GPC5: variants seen among roughly 807,000 people sequenced by gnomAD.
GPC5 encodes glypican-5.
A neutral mutation model predicts 53.9 loss-of-function variants in GPC5; 47 were observed. The ratio of observed to expected loss-of-function variants is 0.87; its 90% confidence interval spans 0.69 to 1.11. The LOEUF (loss-of-function observed/expected upper bound fraction) is 1.11. Among genes scored for constraint, GPC5 ranks in the 50% most tolerant of loss-of-function variants. GPC5 has a pLI of 0.00. For missense variants in GPC5, 748 were observed against 713.1 expected (o/e 1.05, Z -0.56); for synonymous variants, 286 against 263.3 (o/e 1.09, Z -0.84).
At chr13:92,610,030 CAAAAA>C (rs56913637) in intron 7 of GPC5, among the ~76,000 whole-genome samples, 26 of 70,834 alleles carry the variant, frequency 3.7e-4, no homozygotes, top group Admixed American at 2.3e-3. Context: ...GACTCCATCT[CAAAAA>C]AAAAAAAAAA....
chr13:92,396,789 T>C (rs1875299781), intron 7 of GPC5, among the ~76,000 whole-genome samples: 1 of 152,212 alleles, frequency 6.6e-6, no homozygotes, highest in Non-Finnish European at 1.5e-5. Context: ...CGCTGTCTTG[T>C]AGAGGGCCTC....
intron 4 of GPC5, among the ~76,000 whole-genome samples, chr13:91,749,874 A>G (rs2037132703): frequency 1.3e-5 from 2 of 152,218 alleles, no homozygotes; most frequent in Non-Finnish European, 2.9e-5. Flanking sequence ...GCAGTGGCAC[A>G]GTCTCAGCTC....
chr13:92,031,732 CATATT>C (rs1357796364), intron 6 of GPC5, among the ~76,000 whole-genome samples: 5,245 of 30,424 alleles, frequency 0.17, 1,378 homozygotes, highest in Non-Finnish European at 0.24. Flanking sequence ...TAATATATTA[CATATT>C]ATATATAATA....
chr13:92,704,308 C>T (rs1230193716), intron 7 of GPC5, among the ~76,000 whole-genome samples: 1 of 152,020 alleles, frequency 6.6e-6, no homozygotes. Context: ...GCTGCTTAGA[C>T]CACTGTGAAT....
At chr13:92,489,005 A>G (rs1274664279) in intron 7 of GPC5, among the ~76,000 whole-genome samples, 1 of 152,226 alleles carries the variant, frequency 6.6e-6, no homozygotes, top group Admixed American at 6.5e-5. Flanking sequence ...CCAGATGTTC[A>G]TATAAATATT....
intron 5 of GPC5, among the ~76,000 whole-genome samples, chr13:91,764,180 G>T (rs1328512179): frequency 2.6e-5 from 4 of 152,068 alleles, no homozygotes; most frequent in African/African-American, 9.7e-5. Context: ...TATCAGCTTG[G>T]CTCCAAGTCC....
At position 91,685,026 on chromosome 13, in the gene GPC5, C is replaced by T. The variant is rs2035591783; in HGVS notation, c.326-8161C>T. ...AGCTGGCTCTTTTTCATCACTGAGG[C>T]TTCCACTTGAATGTTGCTTCCTCAG... On this transcript the variant is annotated intron_variant, in intron 2 of 7. Coordinates refer to ENST00000377067, the MANE Select transcript of GPC5 (RefSeq NM_004466.6). Among the ~76,000 whole-genome samples, 4 of 152,184 alleles carry T rather than the reference C, an allele frequency of 2.6e-5. No individual in the cohort carries two copies. In the South Asian group the frequency reaches 8.3e-4, roughly 32 times the overall value.
At chr13:92,835,273 T>A (rs1878185623) in intron 7 of GPC5, among the ~76,000 whole-genome samples, 1 of 152,056 alleles carries the variant, frequency 6.6e-6, no homozygotes, top group Non-Finnish European at 1.5e-5. Flanking sequence ...ATTATTATTA[T>A]ATTCTAATTT....
intron 2 of GPC5, among the ~76,000 whole-genome samples, chr13:91,607,612 G>C (rs1218653143): frequency 6.6e-6 from 1 of 152,180 alleles, no homozygotes; most frequent in Non-Finnish European, 1.5e-5. Flanking sequence ...TATAAGCAAA[G>C]GTTTTAGTAG....
At chr13:91,615,214 G>A (rs959398699) in intron 2 of GPC5, among the ~76,000 whole-genome samples, 4 of 152,166 alleles carry the variant, frequency 2.6e-5, no homozygotes, top group Non-Finnish European at 5.9e-5. Context: ...TGTATGAGTA[G>A]TTTAATGAAT....
chr13:91,472,590 C>A lies in GPC5; in HGVS notation c.325+23668C>A, dbSNP rs527799822. ...GGAAGAAAAATTTTATTTGGGAACC[C>A]AATTTTTTATTTTATTCCTAGTCAT... On this transcript the variant is annotated intron_variant, in intron 2 of 7. Coordinates refer to ENST00000377067, the MANE Select transcript of GPC5 (RefSeq NM_004466.6). Among the ~76,000 whole-genome samples, 125 of 152,178 alleles carry A rather than the reference C, an allele frequency of 8.2e-4. 1 individual carries two copies. The highest frequency in any genetic ancestry group is 3.0e-3 in the African/African-American group (123 of 41,524).
intron 7 of GPC5, among the ~76,000 whole-genome samples, chr13:92,204,565 C>T (rs555683434): frequency 5.3e-5 from 8 of 152,270 alleles, no homozygotes; most frequent in Admixed American, 2.0e-4. Flanking sequence ...TCTTTTGACA[C>T]CAACTGCAAG....
intron 7 of GPC5, among the ~76,000 whole-genome samples, chr13:92,596,083 T>C (rs1387288750): frequency 1.3e-5 from 2 of 152,166 alleles, no homozygotes; most frequent in East Asian, 3.9e-4. Context: ...TTGAGTACCG[T>C]GAATCACATA....
chr13:92,090,285 G>C (rs1247191493), intron 6 of GPC5, among the ~76,000 whole-genome samples: 1 of 152,098 alleles, frequency 6.6e-6, no homozygotes, highest in Non-Finnish European at 1.5e-5. Context: ...AGTGCTGTAG[G>C]CTGAATGATG....
At chr13:91,870,405 T>A (rs1401388520) in intron 5 of GPC5, among the ~76,000 whole-genome samples, 1 of 152,184 alleles carries the variant, frequency 6.6e-6, no homozygotes, top group East Asian at 1.9e-4. Flanking sequence ...TATTAGAATG[T>A]AAGGAAACTC....
intron 7 of GPC5, among the ~76,000 whole-genome samples, chr13:92,850,379 G>A (rs939224367): frequency 7.2e-5 from 11 of 152,058 alleles, no homozygotes; most frequent in African/African-American, 2.7e-4. Flanking sequence ...GCAGGCGAAT[G>A]ACTTGAGGTC....
chr13:92,843,296 G>C (rs1293586353), intron 7 of GPC5, among the ~76,000 whole-genome samples: 1 of 152,034 alleles, frequency 6.6e-6, no homozygotes, highest in Non-Finnish European at 1.5e-5. Context: ...CAATCCCTTA[G>C]AAACATAGAC....
intron 6 of GPC5, among the ~76,000 whole-genome samples, chr13:92,118,887 G>T (rs80175823): frequency 2.0e-4 from 31 of 152,312 alleles, no homozygotes; most frequent in African/African-American, 6.5e-4. Flanking sequence ...AGTTGGACCT[G>T]TGCTCAGCTT....
At chr13:92,626,629 T>C (rs1423372448) in intron 7 of GPC5, among the ~76,000 whole-genome samples, 5 of 152,226 alleles carry the variant, frequency 3.3e-5, no homozygotes, top group African/African-American at 1.2e-4. Context: ...CATGTACTTT[T>C]GCAAGGGATG....
Sources: allele counts gnomAD v4.1 joint callset (sites outside exome capture counted in the v4.1 genomes callset), GRCh38; gene constraint gnomAD v4.1.1; transcripts MANE v1.5; gene names NCBI Gene and HGNC (gene_info 2026-07-23, HGNC 2026-07-21).